Variants in ZFPM1 observed in about 807,000 individuals in gnomAD.
ZFPM1 encodes the protein zinc finger protein, FOG family member 1.
A neutral mutation model predicts 46.3 loss-of-function variants in ZFPM1; 28 were observed. The ratio of observed to expected loss-of-function variants is 0.60; its 90% CI spans 0.45 to 0.83. ZFPM1 has a LOEUF of 0.83. Among genes scored for constraint, ZFPM1 ranks in the 40% least tolerant of loss-of-function variants. The pLI is 0.00. For synonymous variants in ZFPM1, 957 were observed against 675.9 expected, an observed-to-expected ratio of 1.42 and a Z score of -6.45; for missense variants, 1,878 against 1,432.4, an observed-to-expected ratio of 1.31 and a Z score of -5.02.
intron 3 of ZFPM1, among the ~76,000 whole-genome samples, chr16:88,489,773 C>A (rs1040855021): frequency 1.3e-5 from 2 of 152,248 alleles, no homozygotes; most frequent in Non-Finnish European, 2.9e-5. Context: ...GTGGCCCCTT[C>A]GGGGACTGTG....
At chr16:88,501,062 G>A (rs1910227328) in intron 3 of ZFPM1, among the ~76,000 whole-genome samples, 1 of 151,332 alleles carries the variant, frequency 6.6e-6, no homozygotes, top group African/African-American at 2.4e-5. Flanking sequence ...TGGTGATGGA[G>A]GTAGCGGTCA....
intron 1 of ZFPM1, among the ~76,000 whole-genome samples, chr16:88,484,433 A>C (rs1432990327): frequency 1.3e-5 from 2 of 152,008 alleles, no homozygotes; most frequent in African/African-American, 2.4e-5. Flanking sequence ...ACTCTGCCCC[A>C]TCAGCTCCCC....
chr16:88,536,844 C>G lies in ZFPM1; in HGVS notation c.*1865C>G, dbSNP rs569053268. ...GCGGGGACGGGAGGCACGGACCCCT[C>G]AAGTCTGCTCATCATTTGCATTGTT... is the stretch of plus-strand genomic sequence containing the variant. On this transcript the variant is annotated 3_prime_UTR_variant, in exon 10 of 10. Transcript: ENST00000319555. 11 of 152,342 alleles carry G rather than the reference C, an allele frequency of 7.2e-5. No homozygotes were observed. Among genetic ancestry groups the G allele is most frequent in the Admixed American group, 5.9e-4 (9 of 15,302 alleles). The allele number at this position is 152,342 out of a possible 1,614,324, so 9.4% of individuals were successfully genotyped here.
Position 88,526,816 on chromosome 16 carries a change from C to A in ZFPM1, c.405C>A (p.Ser135Arg). 1 of 1,549,434 alleles carries A rather than the reference C, an allele frequency of 6.5e-7. No individual in the cohort carries two copies. Among genetic ancestry groups the A allele is most frequent in the Non-Finnish European group, 8.7e-7 (1 of 1,145,672 alleles). ...RASSPRQAEP[S>R]PALTLLLVDE... ...GTGTTCCTACCCTCCCCCCCCAGAG[C>A]CCAGCCCTGACCCTGCTGCTGGTGG... The change falls in exon 5 of 10, where the codon AGC (serine) becomes AGA (arginine). Residue 135 changes from serine to arginine, a missense_variant and splice_region_variant. Physicochemically the swap from Ser to Arg is moderately radical, Grantham distance 110. Coordinates refer to ENST00000319555, the MANE Select transcript of ZFPM1 (RefSeq NM_153813.3).
At position 88,501,240 on chromosome 16, in the gene ZFPM1, CTCCCGCAGGTACTGGTGATG is replaced by C. The variant is rs1567541112; in HGVS notation, c.268+12088_268+12107del. ...GATAGCGGGTGTGGGTGCATGGGCT[CTCCCGCAGGTACTGGTGATG>C]ATGGAGATAGTGGGCCTGGGTGCGG... is the stretch of plus-strand genomic sequence containing the variant. On this transcript the variant is annotated intron_variant, in intron 3 of 9. Transcript: ENST00000319555. 2.9e-4 allele frequency among the ~76,000 whole-genome samples: 27 copies of C among 92,730 alleles called. 3 individuals are homozygous for C. The highest frequency in any genetic ancestry group is 4.3e-4 in the Non-Finnish European group (21 of 48,604). 60.8% of individuals were successfully genotyped at this position (92,730 alleles called of 152,430 possible). A position where few individuals can be genotyped will look rare whatever the true frequency, so the allele number is the denominator to read the frequency against.
chr16:88,510,239 G>A (rs1208523778), intron 3 of ZFPM1, among the ~76,000 whole-genome samples: 1 of 152,186 alleles, frequency 6.6e-6, no homozygotes, highest in Non-Finnish European at 1.5e-5. Context: ...TTGGCCCCAG[G>A]CCTGTGGATT....
At chr16:88,495,301 G>T (rs755533434) in intron 3 of ZFPM1, among the ~76,000 whole-genome samples, 1 of 152,184 alleles carries the variant, frequency 6.6e-6, no homozygotes, top group South Asian at 2.1e-4. Flanking sequence ...CGAAGAGCGT[G>T]GGGGCTGGAC....
At chr16:88,479,594 G>A (rs1223194901) in intron 1 of ZFPM1, among the ~76,000 whole-genome samples, 2 of 152,074 alleles carry the variant, frequency 1.3e-5, no homozygotes, top group Admixed American at 6.5e-5. Context: ...CCCAGCTGGT[G>A]GGAAAGTCTG....
chr16:88,506,223 G>T (rs1281252587), intron 3 of ZFPM1, among the ~76,000 whole-genome samples: 4 of 108,170 alleles, frequency 3.7e-5, no homozygotes, highest in African/African-American at 1.8e-4. Context: ...CAGGGGCAGG[G>T]GCAGGGAGAC....
At chr16:88,460,678 G>A (rs1907776465) in intron 1 of ZFPM1, among the ~76,000 whole-genome samples, 2 of 152,172 alleles carry the variant, frequency 1.3e-5, no homozygotes, top group South Asian at 4.1e-4. Flanking sequence ...CTTTAGAGTG[G>A]GAATAACAGG....
In ZFPM1 at chr16:88,480,006, C is replaced by T. The variant is rs999023565; in HGVS notation, c.41-5933C>T. On this transcript the variant is annotated intron_variant, in intron 1 of 9. Coordinates refer to ENST00000319555, the MANE Select transcript of ZFPM1 (RefSeq NM_153813.3). The surrounding 1 kb of genome is among the most constrained non-coding windows in gnomAD (Gnocchi z 4.9). ...GACAACCTCACATCTGCGCCCAGCGCCCACTGCCAACACCTGGCTGAGTCC... is the reference window on the plus strand; with the variant it reads ...GACAACCTCACATCTGCGCCCAGCGTCCACTGCCAACACCTGGCTGAGTCC... Among the ~76,000 whole-genome samples, 3 of 151,850 alleles carry T rather than the reference C, an allele frequency of 2.0e-5. No homozygotes were observed. The highest frequency in any genetic ancestry group is 7.3e-5 in the African/African-American group (3 of 41,284).
rs374949892 is a variant in ZFPM1 at position 88,533,588 on chromosome 16, G to A, written c.1630G>A (p.Ala544Thr). The change falls in exon 10 of 10, where the codon GCC becomes ACC. Residue 544 changes from alanine (A) to threonine (T), a missense_variant. Ala to Thr is a moderately conservative substitution (Grantham distance 58). Transcript: ENST00000319555. Reference protein sequence around the residue: ...DAAPPASEILAKMSELVHSRL... With the variant: ...DAAPPASEILTKMSELVHSRL... ...GGCGCCCCCCGCCTCGGAGATCCTG[G>A]CCAAGATGTCCGAGCTGGTGCACAG... The A allele has an allele frequency of 3.3e-5, 49 of 1,499,724 alleles. No homozygotes were observed. In the African/African-American group the frequency reaches 7.2e-4, roughly 22 times the overall value. 92.9% of individuals were successfully genotyped at this position (1,499,724 alleles called of 1,614,324 possible).
chr16:88,518,351 AGATG>A (rs1567548769), intron 4 of ZFPM1, among the ~76,000 whole-genome samples: 1 of 132,886 alleles, frequency 7.5e-6, no homozygotes, highest in African/African-American at 2.9e-5. Context: ...GTGGGTGGAT[AGATG>A]GATGGATGAA....
At chr16:88,485,758 C>T (rs1788720330) in intron 1 of ZFPM1, among the ~76,000 whole-genome samples, 181 bp from the exon 2 acceptor site, 1 of 152,154 alleles carries the variant, frequency 6.6e-6, no homozygotes, top group African/African-American at 2.4e-5. Flanking sequence ...TTGAGGAACC[C>T]AGAGGGAGCC....
At chr16:88,507,331 G>C (rs931626524) in intron 3 of ZFPM1, among the ~76,000 whole-genome samples, 1 of 152,210 alleles carries the variant, frequency 6.6e-6, no homozygotes, top group African/African-American at 2.4e-5. Context: ...CCAGAGCTCA[G>C]AGATGGGAAG....
At chr16:88,524,220 G>T (rs893164326) in intron 4 of ZFPM1, among the ~76,000 whole-genome samples, 8 of 152,190 alleles carry the variant, frequency 5.3e-5, no homozygotes, top group African/African-American at 1.4e-4. Context: ...GCCAGGGTGG[G>T]GAGGGCCAGG....
chr16:88,532,301 C>T lies in ZFPM1; in HGVS notation c.946+66C>T, dbSNP rs1912851757. On this transcript the variant is annotated intron_variant, in intron 7 of 9. Coordinates refer to ENST00000319555, the MANE Select transcript of ZFPM1 (RefSeq NM_153813.3). ...TGCTTCCCCACCCAGTCCCGCAGGC[C>T]GCCCGGGAAAACCCACATGCAAGCA... 5.5e-6 allele frequency: 8 copies of T among 1,445,036 alleles called. No homozygotes were observed. In the East Asian group the frequency reaches 7.3e-5, roughly 13 times the overall value. The allele number at this position is 1,445,036 out of a possible 1,614,324, so 89.5% of individuals were successfully genotyped here.
At chr16:88,510,915 GGCTC>G (rs2142422698) in intron 3 of ZFPM1, among the ~76,000 whole-genome samples, 1 of 152,354 alleles carries the variant, frequency 6.6e-6, no homozygotes, top group African/African-American at 2.4e-5. Context: ...GCCTGGCTGA[GGCTC>G]GGTCCGTGGG....
chr16:88,526,062 G>A (rs1167716678), intron 4 of ZFPM1, among the ~76,000 whole-genome samples: 2 of 151,526 alleles, frequency 1.3e-5, no homozygotes, highest in African/African-American at 4.8e-5. Flanking sequence ...GTGAGGCCAG[G>A]GGGGCCAGGG....
Sources: allele counts gnomAD v4.1 joint callset (sites outside exome capture counted in the v4.1 genomes callset), GRCh38; gene constraint gnomAD v4.1.1; non-coding constraint Gnocchi (gnomAD v3.1); transcripts MANE v1.5; gene names NCBI Gene and HGNC (gene_info 2026-07-23, HGNC 2026-07-21).